Variants in SPG21 observed in about 807,000 individuals in gnomAD.
SPG21 encodes maspardin.
In SPG21, 26 loss-of-function variants were observed where a neutral mutation model predicts 38.9. The ratio of observed to expected loss-of-function variants is 0.67; its 90% CI spans 0.49 to 0.93. The LOEUF (loss-of-function observed/expected upper bound fraction) is 0.93, where lower values mean the gene tolerates loss of function less well. SPG21 is among the 40% of genes least tolerant of loss of function. The pLI is 0.00. For synonymous variants in SPG21, 136 were observed against 128.9 expected, an observed-to-expected ratio of 1.05 and a Z score of -0.37; for missense variants, 333 against 376.5, an observed-to-expected ratio of 0.88 and a Z score of 0.96.
intron 1 of SPG21, among the ~76,000 whole-genome samples, chr15:64,988,193 G>A (rs1189153423): frequency 5.9e-5 from 9 of 152,100 alleles, no homozygotes; most frequent in Admixed American, 5.2e-4. Context: ...CTGCACTCCA[G>A]CCTGGGCGAC....
intron 7 of SPG21, among the ~76,000 whole-genome samples, chr15:64,966,259 C>A (rs1031465093): frequency 6.6e-6 from 1 of 152,130 alleles, no homozygotes; most frequent in East Asian, 1.9e-4. Context: ...GCATATGATT[C>A]TAGACATCCT....
chr15:64,983,206 C>T (rs545667543), intron 2 of SPG21: 7 of 234,366 alleles, frequency 3.0e-5, no homozygotes, highest in South Asian at 2.1e-4. Flanking sequence ...TGCAGTGAGC[C>T]GAGATCATGC....
At chr15:64,975,603 C>T (rs1203364995) in intron 4 of SPG21, among the ~76,000 whole-genome samples, 3 of 151,672 alleles carry the variant, frequency 2.0e-5, no homozygotes, top group Non-Finnish European at 4.4e-5. Flanking sequence ...AGTAATTCCA[C>T]CCCTAAACAC....
intron 5 of SPG21, 52 bp downstream of exon 5, chr15:64,974,550 A>G: frequency 6.2e-7 from 1 of 1,608,146 alleles, no homozygotes; most frequent in Non-Finnish European, 8.5e-7. Context: ...AAACACTCAA[A>G]AGCCAACATT....
At chr15:64,977,042 C>T (rs984750176) in intron 3 of SPG21, among the ~76,000 whole-genome samples, 1 of 152,130 alleles carries the variant, frequency 6.6e-6, no homozygotes, top group South Asian at 2.1e-4. Context: ...GACTTAGTTA[C>T]TCTATTTCAT....
intron 4 of SPG21, among the ~76,000 whole-genome samples, chr15:64,975,729 G>C (rs1175424582): frequency 6.6e-6 from 1 of 152,042 alleles, no homozygotes; most frequent in South Asian, 2.1e-4. Flanking sequence ...ATCAGCTGAT[G>C]AATCGTTAAA....
At chr15:64,988,826 C>T (rs1459640416) in intron 1 of SPG21, 4 of 151,936 alleles carry the variant, frequency 2.6e-5, no homozygotes, top group Non-Finnish European at 5.9e-5. Context: ...ACTAAAAATA[C>T]AAAAAATTAG....
Position 64,988,200 on chromosome 15 carries a change from C to T in SPG21, c.-25+1465G>A, listed in dbSNP as rs896971556. On this transcript the variant is annotated intron_variant, in intron 1 of 8. Coordinates refer to ENST00000204566, the MANE Select transcript of SPG21 (RefSeq NM_016630.7). Reference sequence around the variant, plus strand: ...TCACACCACTGCACTCCAGCCTGGGCGACAGAGTGAGACTCTGTCTCAAAA... The same window carrying T: ...TCACACCACTGCACTCCAGCCTGGGTGACAGAGTGAGACTCTGTCTCAAAA... 5.3e-5 allele frequency among the ~76,000 whole-genome samples: 8 copies of T among 152,010 alleles called. No individual in the cohort carries two copies. The South Asian group carries it at 1.5e-3, about 28-fold the overall frequency.
intron 5 of SPG21, among the ~76,000 whole-genome samples, chr15:64,970,473 G>C (rs1380687071): frequency 6.6e-6 from 1 of 152,124 alleles, no homozygotes; most frequent in Non-Finnish European, 1.5e-5. Context: ...CCTTTACTGA[G>C]ATAGACATTC....
At chr15:64,979,153 T>C (rs1417616356) in intron 3 of SPG21, among the ~76,000 whole-genome samples, 1 of 152,182 alleles carries the variant, frequency 6.6e-6, no homozygotes, top group Non-Finnish European at 1.5e-5. Flanking sequence ...CTCCTCCTAA[T>C]GAAACAGGGA....
Position 64,980,999 on chromosome 15 carries a change from C to T in SPG21, c.90G>A (p.Lys30=). 1 of 1,614,126 alleles carries T rather than the reference C, an allele frequency of 6.2e-7. No homozygotes were observed. Residue 30 remains lysine (K), a synonymous_variant, in exon 3 of 9, where the codon AAG becomes AAA. Transcript: ENST00000204566. ...GGCCCGCGTCATAGAGCGACCATAT[C>T]TTACTGTCATCATCATCCACAATAA... ...KKIIVDDDDS[K]IWSLYDAGPR... is the part of the protein sequence containing the mutation.
rs1324638037 is a variant in SPG21, at chr15:64,980,929, C to T, written c.160G>A (p.Gly54Arg). The stretch of plus-strand genomic sequence containing the variant: ...TGCCGGAAAAAGACATCTGCAGTTC[C>T]ACTGACAGGGGGCAGGAATATGAGA... ...CPLIFLPPVSGTADVFFRQIL... is the reference protein window; with the variant it reads ...CPLIFLPPVSRTADVFFRQIL... The change falls in exon 3 of 9, where the codon GGA becomes AGA. Residue 54 changes from glycine (G) to arginine (R), a missense_variant. Physicochemically the swap from Gly to Arg is moderately radical, Grantham distance 125. Transcript: ENST00000204566. 1.2e-6 allele frequency: 2 copies of T among 1,614,074 alleles called. No individual in the cohort carries two copies. Among genetic ancestry groups the T allele is most frequent in the Admixed American group, 1.7e-5 (1 of 59,992 alleles).
chr15:64,967,702 A>T (rs575940445), intron 7 of SPG21, among the ~76,000 whole-genome samples: 14 of 152,084 alleles, frequency 9.2e-5, no homozygotes, highest in African/African-American at 3.4e-4. Context: ...CGATCTCTTG[A>T]CCTCATGATC....
intron 6 of SPG21, 56 bp downstream of exon 6, chr15:64,970,058 G>T: frequency 1.5e-6 from 2 of 1,355,950 alleles, no homozygotes; most frequent in Non-Finnish European, 2.1e-6. Flanking sequence ...CTGGAACCAA[G>T]TAGATGTGAA....
chr15:64,976,682 A>G lies in SPG21; in HGVS notation c.226-127T>C, dbSNP rs1321783276. 5.9e-6 allele frequency: 4 copies of G among 675,084 alleles called. No individual in the cohort carries two copies. In the Admixed American group the frequency reaches 1.1e-4, roughly 19 times the overall value. 41.8% of individuals were successfully genotyped at this position (675,084 alleles called of 1,614,324 possible). A position where few individuals can be genotyped will look rare whatever the true frequency, so the allele number is the denominator to read the frequency against. The stretch of plus-strand genomic sequence containing the variant: ...GCTCAAGCGCTGCTCCTTATTCAAA[A>G]TATGTAAAAATAAGCTCTCACTTTT... On this transcript the variant is annotated intron_variant, in intron 3 of 8. Transcript: ENST00000204566.
chr15:64,978,291 A>G (rs986154145), intron 3 of SPG21, among the ~76,000 whole-genome samples: 4 of 151,932 alleles, frequency 2.6e-5, no homozygotes, highest in Non-Finnish European at 2.9e-5. Flanking sequence ...CTACTAAAAA[A>G]TACAAAAATT....
chr15:64,983,654 T>C, intron 1 of SPG21, 61 bp from the exon 2 acceptor site: 1 of 1,037,802 alleles, frequency 9.6e-7, no homozygotes, highest in South Asian at 1.4e-5. Context: ...GAACTAAATG[T>C]AGAGTCTCAT....
At chr15:64,968,697 A>C (rs930041249) in intron 7 of SPG21, among the ~76,000 whole-genome samples, 6 of 152,114 alleles carry the variant, frequency 3.9e-5, no homozygotes, top group Non-Finnish European at 7.3e-5. Flanking sequence ...TTAAATGTAC[A>C]TTTTACCACA....
chr15:64,968,340 C>CAAAAAAAA (rs11305475), intron 7 of SPG21, among the ~76,000 whole-genome samples: 1 of 109,658 alleles, frequency 9.1e-6, no homozygotes, highest in African/African-American at 3.6e-5. Flanking sequence ...ACCCTGTTTC[C>CAAAAAAAA]AAAAAAAAAA....
Sources: gnomAD v4.1 joint callset for allele counts (sites outside exome capture counted in the v4.1 genomes callset) on GRCh38, gnomAD v4.1.1 for gene constraint, MANE v1.5 for transcripts, NCBI Gene and HGNC (gene_info 2026-07-23, HGNC 2026-07-21) for gene names.